The following KDM7A variants were observed in gnomAD, a reference collection of about 807,000 sequenced individuals.
The protein encoded by KDM7A is lysine demethylase 7A, also known as lysine-specific demethylase 7A.
KDM7A carries 28 observed loss-of-function variants against 114.8 expected under a neutral mutation model. The observed-to-expected ratio is 0.24, with a 90% CI of 0.18 to 0.33. KDM7A has a LOEUF of 0.33. Among genes scored for constraint, KDM7A ranks in the 10% least tolerant of loss-of-function variants. The pLI, the probability that KDM7A is intolerant of heterozygous loss-of-function variation, is 1.00. For missense variants in KDM7A, 942 were observed against 1,142.5 expected, an observed-to-expected ratio of 0.82 and a Z score of 2.53; for synonymous variants, 423 against 397.8, an observed-to-expected ratio of 1.06 and a Z score of -0.75.
intron 1 of KDM7A, among the ~76,000 whole-genome samples, chr7:140,159,860 C>T (rs1794498548): frequency 6.6e-6 from 1 of 151,698 alleles, no homozygotes; most frequent in African/African-American, 2.4e-5. Context: ...GTTTGTCCTG[C>T]CAGTGGGACA....
chr7:140,136,247 AAAG>A (rs1249907553), intron 2 of KDM7A, among the ~76,000 whole-genome samples: 1 of 152,240 alleles, frequency 6.6e-6, no homozygotes, highest in Non-Finnish European at 1.5e-5. Flanking sequence ...TATAAATGTC[AAAG>A]AAGATAACAT....
chr7:140,115,200 G>T (rs1294422340), intron 9 of KDM7A, among the ~76,000 whole-genome samples: 29 of 147,670 alleles, frequency 2.0e-4, no homozygotes, highest in African/African-American at 7.0e-4. Flanking sequence ...CCAGCCAGCC[G>T]CCCCGTCCGG....
intron 11 of KDM7A, among the ~76,000 whole-genome samples, chr7:140,109,123 G>A (rs976366299): frequency 6.6e-6 from 1 of 152,206 alleles, no homozygotes; most frequent in East Asian, 1.9e-4. Context: ...TTGGAAAAGT[G>A]CAGTATTAAG....
intron 14 of KDM7A, 124 bp from the exon 15 acceptor site, chr7:140,097,766 C>T: frequency 1.8e-6 from 1 of 566,222 alleles, no homozygotes; most frequent in East Asian, 2.9e-5. Context: ...CTCTACCCTC[C>T]TTTTTCACTT....
intron 1 of KDM7A, among the ~76,000 whole-genome samples, chr7:140,168,762 C>T (rs562793506): frequency 6.6e-6 from 1 of 152,302 alleles, no homozygotes; most frequent in South Asian, 2.1e-4. Flanking sequence ...ATACTGTAAT[C>T]TAGCTAGCAA....
chr7:140,114,180 CTTCCCCTCCCCT>C (rs1271568566), intron 9 of KDM7A, among the ~76,000 whole-genome samples: 1 of 152,122 alleles, frequency 6.6e-6, no homozygotes, highest in Admixed American at 6.5e-5. Flanking sequence ...GCCCCTCCCC[CTTCCCCTCCCCT>C]TTCCACGGTC....
chr7:140,114,979 C>T (rs535278894), intron 9 of KDM7A, among the ~76,000 whole-genome samples: 6 of 151,958 alleles, frequency 3.9e-5, no homozygotes, highest in South Asian at 4.2e-4. Context: ...GCCCGGCAGC[C>T]GCCCCATCCG....
intron 9 of KDM7A, among the ~76,000 whole-genome samples, chr7:140,118,238 T>C (rs1818562675): frequency 6.6e-6 from 1 of 152,202 alleles, no homozygotes; most frequent in Non-Finnish European, 1.5e-5. Context: ...CACAAGAGGA[T>C]GAAAAGCAGA....
At position 140,151,971 on chromosome 7, in the gene KDM7A, A is replaced by G. The variant is rs961325886; in HGVS notation, c.195-12781T>C. On this transcript the variant is annotated intron_variant, in intron 1 of 19. Coordinates refer to ENST00000397560, the MANE Select transcript of KDM7A (RefSeq NM_030647.2). ...GGATAAAAGATAATAGCAAAAACAT[A>G]TATCTAGGACACTTAGTGATGAATC... 5.9e-5 allele frequency among the ~76,000 whole-genome samples: 9 copies of G among 152,352 alleles called. No individual in the cohort carries two copies. The South Asian group carries it at 8.3e-4, about 14-fold the overall frequency.
At position 140,099,936 on chromosome 7, in the gene KDM7A, CATT is replaced by C. The variant is rs1446281826; in HGVS notation, c.1723_1725del (p.Asn575del). On this transcript the variant is annotated inframe_deletion, in exon 13 of 20. Coordinates refer to ENST00000397560, the MANE Select transcript of KDM7A (RefSeq NM_030647.2). ...CCATTTGTCAGCAGTAATCGTAGATCATTATCTTTCGCTCTCCATTCAGGTACT... is the reference window on the plus strand; with the variant it reads ...CCATTTGTCAGCAGTAATCGTAGATCATCTTTCGCTCTCCATTCAGGTACT... 2 of 1,611,858 alleles carry C rather than the reference CATT, an allele frequency of 1.2e-6. No homozygotes were observed. Among genetic ancestry groups the C allele is most frequent in the Admixed American group, 1.7e-5 (1 of 60,004 alleles).
chr7:140,131,759 T>C (rs1245750693), intron 3 of KDM7A, among the ~76,000 whole-genome samples: 4 of 152,236 alleles, frequency 2.6e-5, no homozygotes, highest in East Asian at 1.9e-4. Flanking sequence ...GGTGTTTTAT[T>C]TCCCCTTTTG....
chr7:140,173,779 G>A (rs1387105493), intron 1 of KDM7A, among the ~76,000 whole-genome samples: 1 of 152,040 alleles, frequency 6.6e-6, no homozygotes, highest in African/African-American at 2.4e-5. Flanking sequence ...GCTGTGTTCC[G>A]AAAAACGATC....
chr7:140,112,667 T>TATC (rs1818452239), intron 10 of KDM7A, among the ~76,000 whole-genome samples: 1 of 152,008 alleles, frequency 6.6e-6, no homozygotes, highest in Non-Finnish European at 1.5e-5. Flanking sequence ...CATATGTATG[T>TATC]ATCACCTATT....
intron 2 of KDM7A, among the ~76,000 whole-genome samples, chr7:140,137,852 A>C (rs1818895882): frequency 6.6e-6 from 1 of 152,198 alleles, no homozygotes; most frequent in Non-Finnish European, 1.5e-5. Context: ...ACTCTATTGG[A>C]AAAAAGTACT....
intron 1 of KDM7A, among the ~76,000 whole-genome samples, chr7:140,165,942 C>T (rs1428544454): frequency 1.3e-5 from 2 of 152,198 alleles, no homozygotes; most frequent in African/African-American, 4.8e-5. Context: ...GCTAGTTTTG[C>T]TGCTGCACCT....
At chr7:140,161,609 G>T (rs966083326) in intron 1 of KDM7A, among the ~76,000 whole-genome samples, 1 of 151,648 alleles carries the variant, frequency 6.6e-6, no homozygotes, top group African/African-American at 2.4e-5. Context: ...GTGCTGTGGC[G>T]TGATCTCGGC....
chr7:140,169,475 T>C (rs1794614466), intron 1 of KDM7A, among the ~76,000 whole-genome samples: 1 of 152,064 alleles, frequency 6.6e-6, no homozygotes, highest in Non-Finnish European at 1.5e-5. Flanking sequence ...TACCGAAAAA[T>C]ACAGAACAGG....
intron 3 of KDM7A, among the ~76,000 whole-genome samples, chr7:140,130,850 T>C (rs1818773269): frequency 9.7e-6 from 1 of 103,256 alleles, no homozygotes; most frequent in African/African-American, 4.6e-5. Context: ...ATTTAATAAG[T>C]CTTTTTTTTT....
At chr7:140,145,093 C>T (rs1794326052) in intron 1 of KDM7A, among the ~76,000 whole-genome samples, 1 of 152,172 alleles carries the variant, frequency 6.6e-6, no homozygotes, top group African/African-American at 2.4e-5. Context: ...GATGCAAAAA[C>T]AGCCTACTAC....
Sources: gnomAD v4.1 joint callset for allele counts (sites outside exome capture counted in the v4.1 genomes callset) on GRCh38, gnomAD v4.1.1 for gene constraint, MANE v1.5 for transcripts, NCBI Gene and HGNC (gene_info 2026-07-23, HGNC 2026-07-21) for gene names.